Variants in NAA20 observed in about 807,000 individuals in gnomAD.
The protein encoded by NAA20 is N-alpha-acetyltransferase 20, NatB catalytic subunit.
Under a neutral mutation model 23.8 loss-of-function variants are expected in NAA20, and 24 were observed. That is an observed-to-expected ratio of 1.01 (90% CI 0.73 to 1.42). The LOEUF is 1.42. Among genes scored for constraint, NAA20 ranks in the 40% most tolerant of loss-of-function variants. NAA20 has a pLI of 0.00. For synonymous variants in NAA20, 83 were observed against 77.7 expected, an observed-to-expected ratio of 1.07 and a Z score of -0.36; for missense variants, 166 against 223.1, an observed-to-expected ratio of 0.74 and a Z score of 1.63.
rs777008695 is a variant in NAA20 at position 20,032,635 on chromosome 20, C to G, written c.433C>G (p.Pro145Ala). 1.2e-6 allele frequency: 2 copies of G among 1,602,364 alleles called. No individual in the cohort carries two copies. Among genetic ancestry groups the G allele is most frequent in the East Asian group, 2.2e-5 (1 of 44,692 alleles). ...GTACTATTCGGCCAGCAACGGGGAG[C>G]CTGATGAGGACGCTTATGGTAAGCT... ...IEYYSASNGE[P>A]DEDAYDMRKA... The change falls in exon 5 of 6, where the codon CCT becomes GCT. Residue 145 changes from proline to alanine, a missense_variant. Physicochemically the swap from Pro to Ala is conservative, Grantham distance 27. Coordinates refer to ENST00000334982, the MANE Select transcript of NAA20 (RefSeq NM_016100.5).
Position 20,030,039 on chromosome 20 carries a change from G to A in NAA20, c.306-2469G>A, listed in dbSNP as rs1039192442. ...TCACGAAGAAAGCTGTGGCTTCTCTGGCCAATTTTACTAAACATTTAAGAA... is the reference window on the plus strand; with the variant it reads ...TCACGAAGAAAGCTGTGGCTTCTCTAGCCAATTTTACTAAACATTTAAGAA... On this transcript the variant is annotated intron_variant, in intron 4 of 5. Coordinates refer to ENST00000334982, the MANE Select transcript of NAA20 (RefSeq NM_016100.5). Among the ~76,000 whole-genome samples, 5 of 152,088 alleles carry A rather than the reference G, an allele frequency of 3.3e-5. No individual in the cohort carries two copies. In the South Asian group the frequency reaches 1.0e-3, roughly 32 times the overall value.
intron 1 of NAA20, among the ~76,000 whole-genome samples, chr20:20,020,997 A>G (rs1439816586): frequency 8.6e-6 from 1 of 115,876 alleles, no homozygotes; most frequent in Non-Finnish European, 1.7e-5. Flanking sequence ...GAGAGCAAGT[A>G]GCATATGGGT....
chr20:20,017,515 C>T (rs1370099693), intron 1 of NAA20, 66 bp downstream of exon 1: 4 of 1,546,162 alleles, frequency 2.6e-6, no homozygotes, highest in East Asian at 2.5e-5. Context: ...CCGCCAGCTC[C>T]GGCCCCAGCC....
At chr20:20,023,363 C>T (rs2043285415) in intron 2 of NAA20, among the ~76,000 whole-genome samples, 2 of 152,034 alleles carry the variant, frequency 1.3e-5, no homozygotes, top group Admixed American at 1.3e-4. Flanking sequence ...CACAGGCCCG[C>T]TCTGTCTCAT....
At chr20:20,018,992 T>TCCAGA in intron 1 of NAA20, 3 of 949,558 alleles carry the variant, frequency 3.2e-6, no homozygotes, top group Non-Finnish European at 3.8e-6. Context: ...TGCGATCCAC[T>TCCAGA]GCTCTGGAGT....
chr20:20,018,350 C>G (rs941134371), intron 1 of NAA20: 2 of 454,268 alleles, frequency 4.4e-6, no homozygotes, highest in African/African-American at 3.9e-5. Flanking sequence ...CTCCTTCCTT[C>G]CCATCTATCA....
chr20:20,032,861 A>T (rs2043356833), intron 5 of NAA20, among the ~76,000 whole-genome samples: 2 of 152,120 alleles, frequency 1.3e-5, no homozygotes, highest in Non-Finnish European at 2.9e-5. Context: ...TTACTGTTTC[A>T]CTCTGTTACA....
In NAA20 at chr20:20,022,487, T is replaced by C; in HGVS notation, c.78+7T>C. ...GGATCCACTTACAGAAACTGTATCCTTTTTTACAAAAAAAAAAAAGTTGAA... is the reference window on the plus strand; with the variant it reads ...GGATCCACTTACAGAAACTGTATCCCTTTTTACAAAAAAAAAAAAGTTGAA... On this transcript the variant is annotated splice_region_variant and intron_variant, in intron 2 of 5. Coordinates refer to ENST00000334982, the MANE Select transcript of NAA20 (RefSeq NM_016100.5). 2 of 1,559,528 alleles carry C rather than the reference T, an allele frequency of 1.3e-6. No individual in the cohort carries two copies. Among genetic ancestry groups the C allele is most frequent in the Non-Finnish European group, 8.6e-7 (1 of 1,157,268 alleles).
intron 4 of NAA20, among the ~76,000 whole-genome samples, chr20:20,032,306 G>T (rs1041495273): frequency 6.6e-6 from 1 of 151,702 alleles, no homozygotes; most frequent in Non-Finnish European, 1.5e-5. Context: ...ATAAAGTCAT[G>T]TTCTTACACT....
intron 1 of NAA20, among the ~76,000 whole-genome samples, chr20:20,019,688 A>G (rs2043254928): frequency 6.6e-6 from 1 of 152,138 alleles, no homozygotes; most frequent in Non-Finnish European, 1.5e-5. Context: ...AGGCCCAGGC[A>G]ATCCTCCTGC....
intron 1 of NAA20, 127 bp downstream of exon 1, chr20:20,017,576 C>T: frequency 2.2e-6 from 3 of 1,356,280 alleles, no homozygotes; most frequent in Non-Finnish European, 2.9e-6. Context: ...CGAGAACCAC[C>T]CCCCGCCGGC....
chr20:20,017,502 G>C (rs879059777), intron 1 of NAA20, 53 bp downstream of exon 1: 1 of 1,535,358 alleles, frequency 6.5e-7, no homozygotes, highest in African/African-American at 1.4e-5. Flanking sequence ...TCGCTTCCCG[G>C]CCCCGCCAGC....
At chr20:20,017,311 G>A, upstream of NAA20, 13 of 1,571,948 alleles carry the variant, frequency 8.3e-6, no homozygotes, top group Non-Finnish European at 1.1e-5. Context: ...GTCTCGCTCG[G>A]TTCCGCGGCG....
chr20:20,028,502 C>T (rs2043321632), intron 4 of NAA20, among the ~76,000 whole-genome samples: 1 of 152,026 alleles, frequency 6.6e-6, no homozygotes. Flanking sequence ...TAAAAAAAAG[C>T]AGGTCGTAAC....
intron 2 of NAA20, among the ~76,000 whole-genome samples, chr20:20,024,900 G>T (rs2043297122): frequency 6.6e-6 from 1 of 152,112 alleles, no homozygotes; most frequent in Admixed American, 6.5e-5. Flanking sequence ...TGTGATTGAT[G>T]GTGTCCTCTG....
intron 4 of NAA20, among the ~76,000 whole-genome samples, chr20:20,028,165 AAAG>A (rs2033097663): frequency 6.6e-6 from 1 of 152,312 alleles, no homozygotes; most frequent in South Asian, 2.1e-4. Flanking sequence ...TAGACCAAAC[AAAG>A]AAGGGAAGAA....
In NAA20 at chr20:20,029,649, G is replaced by A. The variant is rs78935529; in HGVS notation, c.305+2730G>A. On this transcript the variant is annotated intron_variant, in intron 4 of 5. Coordinates refer to ENST00000334982, the MANE Select transcript of NAA20 (RefSeq NM_016100.5). The stretch of plus-strand genomic sequence containing the variant: ...AAAAAAAAAATAGCGATTTAAAATG[G>A]TATATACCAAGTGACATCATTTCAA... 1.7e-4 allele frequency among the ~76,000 whole-genome samples: 25 copies of A among 151,430 alleles called. No homozygotes were observed. The East Asian group carries it at 4.3e-3, about 26-fold the overall frequency.
At chr20:20,018,659 A>C (rs1229669758) in intron 1 of NAA20, 1 of 156,360 alleles carries the variant, frequency 6.4e-6, no homozygotes, top group Non-Finnish European at 1.4e-5. Context: ...TGGGTGAAAC[A>C]GGAGGGGTTT....
At chr20:20,025,937 G>C (rs1389939441) in intron 3 of NAA20, among the ~76,000 whole-genome samples, 170 bp downstream of exon 3, 1 of 152,064 alleles carries the variant, frequency 6.6e-6, no homozygotes, top group Non-Finnish European at 1.5e-5. Flanking sequence ...GCTAGGCCCA[G>C]GCGATAACGG....
Sources: gnomAD v4.1 joint callset for allele counts (sites outside exome capture counted in the v4.1 genomes callset) on GRCh38, gnomAD v4.1.1 for gene constraint, MANE v1.5 for transcripts, NCBI Gene and HGNC (gene_info 2026-07-23, HGNC 2026-07-21) for gene names.